Variants in FBXL17 observed in about 807,000 individuals in gnomAD.
FBXL17 encodes the protein F-box/LRR-repeat protein 17.
In FBXL17, 22 loss-of-function variants were observed where a neutral mutation model predicts 66.2. That is an observed-to-expected ratio of 0.33 (90% CI 0.24 to 0.47). The LOEUF (loss-of-function observed/expected upper bound fraction) is 0.47. Among genes scored for constraint, FBXL17 ranks in the 20% least tolerant of loss-of-function variants. The pLI is 1.00. For synonymous variants in FBXL17, 474 were observed against 400.5 expected, an observed-to-expected ratio of 1.18 and a Z score of -2.19; for missense variants, 878 against 948.2, an observed-to-expected ratio of 0.93 and a Z score of 0.97.
At chr5:108,011,728 G>A (rs561166635) in intron 7 of FBXL17, among the ~76,000 whole-genome samples, 2 of 152,332 alleles carry the variant, frequency 1.3e-5, no homozygotes, top group East Asian at 3.9e-4. Flanking sequence ...GGAGGCTGAG[G>A]CAGGAGAATC....
chr5:108,361,945 G>C (rs1198569429), intron 3 of FBXL17, among the ~76,000 whole-genome samples: 1 of 152,120 alleles, frequency 6.6e-6, no homozygotes, highest in Non-Finnish European at 1.5e-5. Flanking sequence ...CTGGGGAATG[G>C]GTGAGGCACA....
intron 6 of FBXL17, among the ~76,000 whole-genome samples, chr5:108,092,964 C>T (rs2149932002): frequency 6.6e-6 from 1 of 152,178 alleles, no homozygotes; most frequent in Non-Finnish European, 1.5e-5. Flanking sequence ...GAAATAATTA[C>T]ACAGAAAATT....
intron 6 of FBXL17, among the ~76,000 whole-genome samples, chr5:108,053,267 G>A (rs921381144): frequency 3.9e-5 from 6 of 151,908 alleles, no homozygotes; most frequent in South Asian, 2.1e-4. Context: ...GCAACCTAAA[G>A]AATGAGAGAA....
At chr5:108,088,700 C>CAAAA (rs57707936) in intron 6 of FBXL17, among the ~76,000 whole-genome samples, 5 of 49,348 alleles carry the variant, frequency 1.0e-4, no homozygotes, top group Non-Finnish European at 1.7e-4. Context: ...GACTCTATCT[C>CAAAA]AAAAAAAAAA....
At chr5:108,184,783 T>A (rs1481362003) in intron 6 of FBXL17, among the ~76,000 whole-genome samples, 1 of 151,232 alleles carries the variant, frequency 6.6e-6, no homozygotes, top group South Asian at 2.1e-4. Flanking sequence ...GAAAATATCT[T>A]AAATTTAAAG....
intron 7 of FBXL17, among the ~76,000 whole-genome samples, chr5:107,973,209 G>C (rs1752439877): frequency 6.6e-6 from 1 of 152,174 alleles, no homozygotes; most frequent in African/African-American, 2.4e-5. Context: ...GCCTTATGCA[G>C]AGCAAAGCTA....
chr5:108,331,482 T>A (rs1760121421), intron 4 of FBXL17, among the ~76,000 whole-genome samples: 1 of 152,220 alleles, frequency 6.6e-6, no homozygotes, highest in South Asian at 2.1e-4. Context: ...ATTGGTAGTT[T>A]TGAAATCCAA....
At chr5:108,299,431 C>A (rs906919104) in intron 4 of FBXL17, 4 of 950,620 alleles carry the variant, frequency 4.2e-6, no homozygotes. Flanking sequence ...TACTAAAAAA[C>A]AAAGACACAC....
intron 6 of FBXL17, among the ~76,000 whole-genome samples, chr5:108,095,165 T>C (rs1749322092): frequency 6.6e-6 from 1 of 152,022 alleles, no homozygotes; most frequent in South Asian, 2.1e-4. Context: ...TTTCTTCCTA[T>C]TAATGGTAAG....
chr5:108,114,984 C>T (rs2149957507), intron 6 of FBXL17, among the ~76,000 whole-genome samples: 1 of 152,260 alleles, frequency 6.6e-6, no homozygotes, highest in East Asian at 1.9e-4. Context: ...GTAGTGATTT[C>T]AAAATGGTGT....
intron 4 of FBXL17, among the ~76,000 whole-genome samples, chr5:108,243,608 T>A (rs1406928560): frequency 1.3e-5 from 2 of 152,172 alleles, no homozygotes; most frequent in Non-Finnish European, 2.9e-5. Context: ...AATCATTTGG[T>A]TAAGTGTTTT....
At chr5:107,864,155 C>G (rs1373099063) in intron 8 of FBXL17, among the ~76,000 whole-genome samples, 2 of 152,140 alleles carry the variant, frequency 1.3e-5, no homozygotes, top group East Asian at 3.9e-4. Flanking sequence ...CGCACTGTGA[C>G]TGATATAAAA....
intron 6 of FBXL17, among the ~76,000 whole-genome samples, chr5:108,088,880 C>T (rs1291913296): frequency 1.3e-5 from 2 of 152,096 alleles, no homozygotes; most frequent in Non-Finnish European, 2.9e-5. Flanking sequence ...TTCACTTATA[C>T]ACAGATAACT....
chr5:108,288,898 C>T (rs928799716), intron 4 of FBXL17, among the ~76,000 whole-genome samples: 2 of 152,026 alleles, frequency 1.3e-5, no homozygotes, highest in African/African-American at 4.8e-5. Flanking sequence ...CTTTTAATTA[C>T]TTGAATGAAG....
rs536817641 is a variant in FBXL17, at chr5:108,044,469, A to G, written c.1746-23468T>C. ...TGATCTTTTGATTTTTGAATACCAAACCAGCCTTGAATCCCGGGAATAAAT... is the reference window on the plus strand; with the variant it reads ...TGATCTTTTGATTTTTGAATACCAAGCCAGCCTTGAATCCCGGGAATAAAT... On this transcript the variant is annotated intron_variant, in intron 6 of 8. Transcript: ENST00000542267. Among the ~76,000 whole-genome samples, 95 of 152,254 alleles carry G rather than the reference A, an allele frequency of 6.2e-4. 2 individuals are homozygous for G. In the South Asian group the frequency reaches 0.02, roughly 31 times the overall value.
rs78138161 is a variant in FBXL17, at chr5:107,860,778, G to A, written c.*942C>T. ...CTTCTATTAATGTGACTACCCTCTC[G>A]TATCTCAGAAATAGACTTTAATAAT... is the stretch of plus-strand genomic sequence containing the variant. On this transcript the variant is annotated 3_prime_UTR_variant, in exon 9 of 9. Transcript: ENST00000542267. The A allele has an allele frequency of 0.17, 25,313 of 152,390 alleles. 2,305 individuals carry two copies. Among genetic ancestry groups the A allele is most frequent in the Middle Eastern group, 0.28 (81 of 292 alleles). 9.4% of individuals were successfully genotyped at this position (152,390 alleles called of 1,614,324 possible).
intron 3 of FBXL17, among the ~76,000 whole-genome samples, chr5:108,360,533 T>G (rs1372926694): frequency 6.6e-6 from 1 of 152,166 alleles, no homozygotes; most frequent in African/African-American, 2.4e-5. Context: ...CTTTGACTTC[T>G]GACAATTATA....
intron 6 of FBXL17, among the ~76,000 whole-genome samples, chr5:108,066,872 G>A (rs918799319): frequency 2.0e-5 from 3 of 151,890 alleles, no homozygotes; most frequent in Non-Finnish European, 2.9e-5. Flanking sequence ...ATAAAAATAT[G>A]AGAAAATTCT....
chr5:108,249,594 A>G (rs961347636), intron 4 of FBXL17, among the ~76,000 whole-genome samples: 2 of 152,148 alleles, frequency 1.3e-5, no homozygotes, highest in Non-Finnish European at 1.5e-5. Flanking sequence ...ATACACTTGT[A>G]TAAGAGTACA....
Sources: allele counts gnomAD v4.1 joint callset (sites outside exome capture counted in the v4.1 genomes callset), GRCh38; gene constraint gnomAD v4.1.1; transcripts MANE v1.5; gene names NCBI Gene and HGNC (gene_info 2026-07-23, HGNC 2026-07-21).